SLC25A21: variants seen among roughly 807,000 people sequenced by gnomAD.
SLC25A21 encodes the protein solute carrier family 25 member 21.
Under a neutral mutation model 43.8 loss-of-function variants are expected in SLC25A21, and 47 were observed. The observed-to-expected ratio is 1.07, with a 90% CI of 0.85 to 1.37. The LOEUF (loss-of-function observed/expected upper bound fraction) is 1.37. Among genes scored for constraint, SLC25A21 ranks in the 40% most tolerant of loss-of-function variants. SLC25A21 has a pLI of 0.00. For synonymous variants in SLC25A21, 131 were observed against 121.3 expected, an observed-to-expected ratio of 1.08 and a Z score of -0.52; for missense variants, 352 against 350.2, an observed-to-expected ratio of 1.00 and a Z score of -0.04.
chr14:36,709,689 G>A (rs914597695), intron 7 of SLC25A21, among the ~76,000 whole-genome samples: 32 of 152,206 alleles, frequency 2.1e-4, no homozygotes, highest in African/African-American at 7.5e-4. Flanking sequence ...AACACATGGT[G>A]TAGATTCAGC....
intron 2 of SLC25A21, among the ~76,000 whole-genome samples, chr14:36,857,445 G>C (rs558057566): frequency 6.6e-6 from 1 of 152,298 alleles, no homozygotes; most frequent in East Asian, 1.9e-4. Flanking sequence ...CACACATTGG[G>C]GGCCAGGCGT....
intron 2 of SLC25A21, among the ~76,000 whole-genome samples, chr14:36,847,501 A>G (rs1889584004): frequency 6.6e-6 from 1 of 152,244 alleles, no homozygotes; most frequent in Admixed American, 6.5e-5. Context: ...TGAAAACAGA[A>G]GAATGTCACA....
chr14:36,792,050 T>C (rs1467292482), intron 3 of SLC25A21, among the ~76,000 whole-genome samples: 3 of 152,202 alleles, frequency 2.0e-5, no homozygotes, highest in Non-Finnish European at 4.4e-5. Context: ...ACAAATTGTC[T>C]TTGATAATAG....
intron 1 of SLC25A21, among the ~76,000 whole-genome samples, chr14:36,919,622 C>CCTGT (rs766908771): frequency 2.6e-3 from 158 of 61,516 alleles, no homozygotes; most frequent in African/African-American, 8.5e-3. Context: ...TATCTATCTA[C>CCTGT]CTATCTATCT....
chr14:36,859,071 G>A (rs545695397), intron 2 of SLC25A21, among the ~76,000 whole-genome samples: 1 of 152,158 alleles, frequency 6.6e-6, no homozygotes, highest in Non-Finnish European at 1.5e-5. Flanking sequence ...TCAGATTTCA[G>A]AATAAAAGGC....
At chr14:37,169,392 GGA>G (rs1375037372) in intron 1 of SLC25A21, among the ~76,000 whole-genome samples, 1 of 151,964 alleles carries the variant, frequency 6.6e-6, no homozygotes, top group African/African-American at 2.4e-5. Context: ...GAGAAGAGAT[GGA>G]GAGACTTCAC....
At chr14:36,911,593 C>T (rs1368661306) in intron 1 of SLC25A21, among the ~76,000 whole-genome samples, 1 of 152,126 alleles carries the variant, frequency 6.6e-6, no homozygotes, top group Non-Finnish European at 1.5e-5. Flanking sequence ...CTTTTAGGGA[C>T]CCAGCACAAG....
rs369541706 is a variant in SLC25A21 at position 36,985,092 on chromosome 14, C to G, written c.71-110088G>C. 2.1e-4 allele frequency among the ~76,000 whole-genome samples: 32 copies of G among 150,776 alleles called. No homozygotes were observed. In the East Asian group the frequency reaches 4.5e-3, roughly 21 times the overall value. ...ATCACAAGAACAAAAAACCAAACACCGCATATTCTCACTCATAGGTGGAAA... is the reference window on the plus strand; with the variant it reads ...ATCACAAGAACAAAAAACCAAACACGGCATATTCTCACTCATAGGTGGAAA... On this transcript the variant is annotated intron_variant, in intron 1 of 9. Coordinates refer to ENST00000331299, the MANE Select transcript of SLC25A21 (RefSeq NM_030631.4).
intron 1 of SLC25A21, among the ~76,000 whole-genome samples, chr14:37,017,417 T>A (rs1490043773): frequency 1.3e-5 from 2 of 152,104 alleles, no homozygotes; most frequent in Non-Finnish European, 1.5e-5. Flanking sequence ...TACATGTACA[T>A]GGTTCATGGT....
chr14:37,097,570 G>C (rs139543362), intron 1 of SLC25A21, among the ~76,000 whole-genome samples: 13 of 152,168 alleles, frequency 8.5e-5, no homozygotes, highest in African/African-American at 3.1e-4. Flanking sequence ...TTGCAACTTA[G>C]TCTCAAATGA....
chr14:36,768,949 A>C (rs145182238), intron 3 of SLC25A21, among the ~76,000 whole-genome samples: 1,886 of 142,680 alleles, frequency 0.013, 32 homozygotes, highest in African/African-American at 0.049. Context: ...AAAAAAAAAC[A>C]AAAACCTATA....
chr14:36,806,413 G>A (rs1027809319), intron 3 of SLC25A21, among the ~76,000 whole-genome samples: 3 of 152,000 alleles, frequency 2.0e-5, no homozygotes, highest in Non-Finnish European at 4.4e-5. Context: ...AAATGTTTGA[G>A]GTGATGGATC....
chr14:36,755,200 T>C (rs937045450), intron 3 of SLC25A21, among the ~76,000 whole-genome samples: 1 of 152,158 alleles, frequency 6.6e-6, no homozygotes, highest in Non-Finnish European at 1.5e-5. Context: ...CAACAACATT[T>C]TAGAAAAGTC....
intron 3 of SLC25A21, among the ~76,000 whole-genome samples, chr14:36,790,450 G>A (rs988550216): frequency 2.6e-5 from 4 of 152,060 alleles, no homozygotes; most frequent in South Asian, 2.1e-4. Flanking sequence ...GCTTTAGCTC[G>A]AATAATTAGT....
intron 3 of SLC25A21, among the ~76,000 whole-genome samples, chr14:36,803,584 T>C (rs897339507): frequency 7.2e-5 from 11 of 152,212 alleles, no homozygotes; most frequent in African/African-American, 2.4e-4. Context: ...GTTTCCAAAA[T>C]GTATCTAACA....
chr14:36,734,408 T>A, intron 4 of SLC25A21, 99 bp downstream of exon 4: 1 of 706,982 alleles, frequency 1.4e-6, no homozygotes, highest in Non-Finnish European at 2.1e-6. Flanking sequence ...AAATTTTTAG[T>A]GCTTTATATA....
chr14:37,056,394 G>C (rs1291695140), intron 1 of SLC25A21, among the ~76,000 whole-genome samples: 1 of 151,720 alleles, frequency 6.6e-6, no homozygotes, highest in African/African-American at 2.4e-5. Flanking sequence ...GGAGGCTGAG[G>C]CAGGAGAATG....
At chr14:36,973,104 A>G (rs1959790286) in intron 1 of SLC25A21, among the ~76,000 whole-genome samples, 1 of 151,840 alleles carries the variant, frequency 6.6e-6, no homozygotes, top group South Asian at 2.1e-4. Flanking sequence ...CAAGATCTTA[A>G]TCATGAAGGA....
chr14:37,057,253 G>T (rs1473655291), intron 1 of SLC25A21, among the ~76,000 whole-genome samples: 3 of 152,030 alleles, frequency 2.0e-5, no homozygotes, highest in Non-Finnish European at 4.4e-5. Context: ...AAACAATTTT[G>T]TTTTGCTTTT....
Sources: allele counts gnomAD v4.1 joint callset (sites outside exome capture counted in the v4.1 genomes callset), GRCh38; gene constraint gnomAD v4.1.1; transcripts MANE v1.5; gene names NCBI Gene and HGNC (gene_info 2026-07-23, HGNC 2026-07-21).